RP1L1: variants seen among roughly 807,000 people sequenced by gnomAD.
The protein encoded by RP1L1 is retinitis pigmentosa 1-like 1 protein.
RP1L1 carries 27 observed loss-of-function variants against 15.7 expected under a neutral mutation model. The ratio of observed to expected loss-of-function variants is 1.72; its 90% CI spans 1.27 to 2.38. RP1L1 has a LOEUF of 2.38. Ranked by LOEUF, RP1L1 falls within the 30% of genes most tolerant of loss-of-function variation. The pLI is 0.00. For missense variants in RP1L1, 4,798 were observed against 3,075.9 expected, an observed-to-expected ratio of 1.56 and a Z score of -13.24; for synonymous variants, 1,813 against 1,276.7, an observed-to-expected ratio of 1.42 and a Z score of -8.96.
At chr8:10,653,653 G>A (rs962355037) in intron 1 of RP1L1, among the ~76,000 whole-genome samples, 1 of 115,134 alleles carries the variant, frequency 8.7e-6, no homozygotes, top group East Asian at 2.0e-4. Flanking sequence ...ACCCACACAC[G>A]CATACACACA....
chr8:10,649,540 C>T (rs1034942234), intron 1 of RP1L1, among the ~76,000 whole-genome samples: 2 of 152,252 alleles, frequency 1.3e-5, no homozygotes, highest in South Asian at 4.1e-4. Context: ...TCCCTGGCTC[C>T]CAGAGAGCTC....
At chr8:10,625,855 T>G (rs1324445913) in intron 1 of RP1L1, among the ~76,000 whole-genome samples, 1 of 151,896 alleles carries the variant, frequency 6.6e-6, no homozygotes, top group Non-Finnish European at 1.5e-5. Context: ...AGGGTCCACT[T>G]GTACCGATCA....
chr8:10,654,344 C>T (rs1023397220), intron 1 of RP1L1, among the ~76,000 whole-genome samples: 16 of 152,130 alleles, frequency 1.1e-4, no homozygotes, highest in Non-Finnish European at 2.4e-4. Context: ...AGAGAAAATT[C>T]AATGACCTCA....
chr8:10,650,157 C>CAAA (rs1798537372), intron 1 of RP1L1, among the ~76,000 whole-genome samples: 1 of 152,186 alleles, frequency 6.6e-6, no homozygotes, highest in Non-Finnish European at 1.5e-5. Flanking sequence ...GGTGCTGCTG[C>CAAA]AACCACCACG....
Position 10,611,304 on chromosome 8 carries a change from C to A in RP1L1, c.2794G>T (p.Gly932Ter). 1.2e-6 allele frequency: 2 copies of A among 1,612,972 alleles called. No individual in the cohort carries two copies. Among genetic ancestry groups the A allele is most frequent in the South Asian group, 1.1e-5 (1 of 91,086 alleles). The change falls in exon 4 of 4, where the codon GGA becomes TGA. Residue 932 changes from glycine (G) to a stop codon, truncating the protein, a stop_gained. Transcript: ENST00000382483. LOFTEE classifies it low-confidence loss of function (END_TRUNC). Reference protein sequence around the residue: ...LSEEKTLRSGGGPQGQEEASG... With the variant: ...LSEEKTLRSG ...GCCTCCTCCTGCCCCTGGGGGCCTC[C>A]CCCACTCCTCAAGGTCTTCTCCTCG... is the stretch of plus-strand genomic sequence containing the variant.
chr8:10,608,540 G>C lies in RP1L1; in HGVS notation c.5558C>G (p.Ala1853Gly). ...CTGGGCATCCCCTTCTGCCTCTGGG[G>C]CCTCTACACCTTCTGACTCTGGCTG... The part of the protein sequence containing the change: ...EAQPESEGVE[A>G]PEAEGDAQEA... Residue 1853 changes from alanine (A) to glycine (G), a missense_variant, in exon 4 of 4, where the codon GCC becomes GGC. Coordinates refer to ENST00000382483, the MANE Select transcript of RP1L1 (RefSeq NM_178857.6). The C allele has an allele frequency of 6.2e-7, 1 of 1,600,862 alleles. No homozygotes were observed. Among genetic ancestry groups the C allele is most frequent in the Non-Finnish European group, 8.5e-7 (1 of 1,170,466 alleles).
At chr8:10,613,533 G>A (rs1311075497) in intron 3 of RP1L1, among the ~76,000 whole-genome samples, 187 bp from the exon 4 acceptor site, 2 of 150,502 alleles carry the variant, frequency 1.3e-5, no homozygotes, top group Non-Finnish European at 2.9e-5. Flanking sequence ...GGAGGCCGAG[G>A]CGGGAGGACT....
chr8:10,620,871 G>A (rs954723360), intron 2 of RP1L1, among the ~76,000 whole-genome samples: 2 of 152,194 alleles, frequency 1.3e-5, no homozygotes, highest in Non-Finnish European at 2.9e-5. Context: ...CCCATGTAGT[G>A]AGGAACCCCA....
chr8:10,612,877 G>C lies in RP1L1; in HGVS notation c.1221C>G (p.Ile407Met). 1 of 1,612,818 alleles carries C rather than the reference G, an allele frequency of 6.2e-7. No homozygotes were observed. The highest frequency in any genetic ancestry group is 1.1e-5 in the South Asian group (1 of 91,072). The change falls in exon 4 of 4, where the codon ATC becomes ATG. Residue 407 changes from isoleucine to methionine, a missense_variant. Transcript: ENST00000382483. ...RGGQPGPKYEIWTNPLHASQG... is the reference protein window; with the variant it reads ...RGGQPGPKYEMWTNPLHASQG... ...GGGAGGCATGCAGGGGATTCGTCCA[G>C]ATTTCATACTTGGGCCCTGGCTGCC...
rs758394001 is a variant in RP1L1, at chr8:10,611,806, C to G, written c.2292G>C (p.Gly764=). Residue 764 remains glycine (G), a synonymous_variant, in exon 4 of 4, where the codon GGG becomes GGC. Coordinates refer to ENST00000382483, the MANE Select transcript of RP1L1 (RefSeq NM_178857.6). ...GCGAGCATGTCCTGGACCCCGCGTC[C>G]CCTGCCCACCCGGCAGAGGGAGCGT... ...PHNAPSAGWA[G]DAGSRTCSPA... 1 of 1,613,652 alleles carries G rather than the reference C, an allele frequency of 6.2e-7. No homozygotes were observed. The highest frequency in any genetic ancestry group is 8.5e-7 in the Non-Finnish European group (1 of 1,180,022).
chr8:10,609,052 G>T lies in RP1L1; in HGVS notation c.5046C>A (p.Pro1682=). 6.2e-7 allele frequency: 1 copy of T among 1,613,794 alleles called. No individual in the cohort carries two copies. Among genetic ancestry groups the T allele is most frequent in the Non-Finnish European group, 8.5e-7 (1 of 1,179,750 alleles). The part of the protein sequence containing the change: ...PKATMGATRG[P]IKEAFDLQQI... ...GCTGCAGGTCAAAGGCCTCTTTGAT[G>T]GGACCTCTGGTTGCCCCCATTGTGG... Residue 1682 remains proline (P), a synonymous_variant, in exon 4 of 4, where the codon CCC becomes CCA. Transcript: ENST00000382483.
chr8:10,616,698 A>T (rs1014499343), intron 2 of RP1L1, 111 bp from the exon 3 acceptor site: 1 of 1,239,086 alleles, frequency 8.1e-7, no homozygotes, highest in African/African-American at 1.5e-5. Context: ...ATTTCTGCAC[A>T]TCTCACCCCA....
intron 1 of RP1L1, among the ~76,000 whole-genome samples, chr8:10,637,820 G>C (rs1798352013): frequency 6.6e-6 from 1 of 152,194 alleles, no homozygotes; most frequent in South Asian, 2.1e-4. Context: ...AGGAAAAATG[G>C]ATCAGCTTCA....
intron 1 of RP1L1, among the ~76,000 whole-genome samples, chr8:10,649,116 C>A (rs1038404110): frequency 1.3e-5 from 2 of 152,228 alleles, no homozygotes; most frequent in Non-Finnish European, 1.5e-5. Flanking sequence ...AGAAAATTCC[C>A]GGATTCACCA....
rs1797910871 is a variant in RP1L1, at chr8:10,613,287, T to G, written c.811A>C (p.Thr271Pro). 1.2e-6 allele frequency: 2 copies of G among 1,606,168 alleles called. No individual in the cohort carries two copies. The highest frequency in any genetic ancestry group is 2.7e-5 in the African/African-American group (2 of 74,934). Residue 271 changes from threonine (T) to proline (P), a missense_variant, in exon 4 of 4, where the codon ACG becomes CCG. Transcript: ENST00000382483. ...VIHSRSPPGS[T>P]PRLPERPGPS... ...CCAGGCCTTTCTGGCAGCCGTGGCG[T>G]GCTGCCTGGCGGAGACCGCGAATGG...
At chr8:10,621,655 G>C (rs1297415924) in intron 2 of RP1L1, 1 of 465,100 alleles carries the variant, frequency 2.2e-6, no homozygotes, top group Non-Finnish European at 4.3e-6. Context: ...TTGGTGGAAT[G>C]GTGCATACAG....
At chr8:10,636,615 A>G (rs1432780817) in intron 1 of RP1L1, among the ~76,000 whole-genome samples, 2 of 152,086 alleles carry the variant, frequency 1.3e-5, no homozygotes, top group Non-Finnish European at 2.9e-5. Context: ...GGCAACAGGA[A>G]GAACTGTTGT....
intron 3 of RP1L1, among the ~76,000 whole-genome samples, chr8:10,614,544 C>T (rs1228248790): frequency 1.3e-5 from 2 of 151,668 alleles, no homozygotes; most frequent in Non-Finnish European, 2.9e-5. Flanking sequence ...GACTGTAATC[C>T]CAGCCACTCG....
chr8:10,631,352 C>A (rs1424126505), intron 1 of RP1L1, among the ~76,000 whole-genome samples: 2 of 103,858 alleles, frequency 1.9e-5, no homozygotes, highest in East Asian at 2.0e-4. Flanking sequence ...CACGCACACA[C>A]ATGCACACAA....
Sources: allele counts gnomAD v4.1 joint callset (sites outside exome capture counted in the v4.1 genomes callset), GRCh38; gene constraint gnomAD v4.1.1; transcripts MANE v1.5; gene names NCBI Gene and HGNC (gene_info 2026-07-23, HGNC 2026-07-21).